The following PLEC variants were observed in gnomAD, a reference collection of about 807,000 sequenced individuals.
PLEC encodes the protein plectin, also known as hemidesmosomal protein 1.
In PLEC, 216 loss-of-function variants were observed where a neutral mutation model predicts 392.8. That is an observed-to-expected ratio of 0.55 (90% CI 0.49 to 0.62). PLEC has a LOEUF of 0.62. Ranked by LOEUF, PLEC falls within the 20% of genes least tolerant of loss-of-function variation. The probability of loss-of-function intolerance (pLI) is 0.00; values close to 1 mark genes in which losing one functional copy is unlikely to be tolerated. For synonymous variants in PLEC, 3,621 were observed against 2,980.6 expected, an observed-to-expected ratio of 1.21 and a Z score of -7.00; for missense variants, 6,863 against 6,563.4, an observed-to-expected ratio of 1.05 and a Z score of -1.58.
At position 143,917,434 on chromosome 8, in the gene PLEC, C is replaced by T; in HGVS notation, c.12387G>A (p.Lys4129=). 6.2e-7 allele frequency: 1 copy of T among 1,613,444 alleles called. No individual in the cohort carries two copies. Among genetic ancestry groups the T allele is most frequent in the Non-Finnish European group, 8.5e-7 (1 of 1,180,034 alleles). Residue 4129 remains lysine (K), a synonymous_variant, in exon 32 of 32, where the codon AAG becomes AAA. Transcript: ENST00000345136. ...LPLKEKKRER[K]TSSKSSVRKR... ...TGCGCACGGAGGACTTGGAGGACGT[C>T]TTCCGCTCCCGCTTCTTCTCCTTCA...
chr8:143,943,897 C>T, upstream of PLEC: 1 of 1,610,434 alleles, frequency 6.2e-7, no homozygotes, highest in South Asian at 1.1e-5. Flanking sequence ...CCATAGCCGC[C>T]ACGCGGAGCC....
At chr8:143,928,077 G>C in intron 25 of PLEC, 85 bp from the exon 26 acceptor site, 1 of 1,490,612 alleles carries the variant, frequency 6.7e-7, no homozygotes, top group Non-Finnish European at 8.9e-7. Context: ...AGCGACCCAG[G>C]GTGCTGCCTG....
chr8:143,922,348 C>A lies in PLEC; in HGVS notation c.7473G>T (p.Leu2491=). The A allele has an allele frequency of 1.2e-6, 2 of 1,605,208 alleles. No homozygotes were observed. The highest frequency in any genetic ancestry group is 1.7e-6 in the Non-Finnish European group (2 of 1,179,978). Reference sequence around the variant, plus strand: ...CCTTTTCAGAGAGGAAGCTTTGCTGCAGGGCCTGCGTCTCCTGCAGCAGCT... The same window carrying A: ...CCTTTTCAGAGAGGAAGCTTTGCTGAAGGGCCTGCGTCTCCTGCAGCAGCT... ...QEQLLQETQA[L]QQSFLSEKDS... The change falls in exon 32 of 32, where the codon CTG becomes CTT. Residue 2491 remains leucine (L), a synonymous_variant. Coordinates refer to ENST00000345136, the MANE Select transcript of PLEC (RefSeq NM_201384.3).
chr8:143,958,141 C>T (rs944905282), upstream of PLEC, among the ~76,000 whole-genome samples: 2 of 145,984 alleles, frequency 1.4e-5, no homozygotes, highest in African/African-American at 2.7e-5. This position sits in a 1 kb window ranked among gnomAD's most constrained non-coding sequence, Gnocchi z 4.9. Context: ...AACAACAGCC[C>T]GGCCTCTGCG....
chr8:143,924,933 T>C lies in PLEC; in HGVS notation c.4996A>G (p.Lys1666Glu), dbSNP rs782200875. The part of the protein sequence containing the change: ...SLAQAEAEKQ[K>E]EEAEREARRR... ...CGCGCCTCGCGCTCCGCCTCCTCCT[T>C]CTGCTTCTCAGCCTCGGCCTGCGCC... is the stretch of plus-strand genomic sequence containing the variant. The change falls in exon 31 of 32, where the codon AAG becomes GAG. Residue 1666 changes from lysine (K) to glutamate (E), a missense_variant. By Grantham distance (56) the Lys-to-Glu change is moderately conservative (BLOSUM62 1). Coordinates refer to ENST00000345136, the MANE Select transcript of PLEC (RefSeq NM_201384.3). 34 of 1,584,010 alleles carry C rather than the reference T, an allele frequency of 2.1e-5. No individual in the cohort carries two copies. Among genetic ancestry groups the C allele is most frequent in the East Asian group, 4.5e-5 (2 of 43,968 alleles).
Position 143,917,041 on chromosome 8 carries a change from G to C in PLEC, c.12780C>G (p.Pro4260=). The part of the protein sequence containing the change: ...VGSSSSYPIS[P]AVSRTQLASW... Reference sequence around the variant, plus strand: ...AGGCCAGCTGGGTCCTGGAGACGGCGGGGCTGATGGGGTAGGAGGAGGAGG... The same window carrying C: ...AGGCCAGCTGGGTCCTGGAGACGGCCGGGCTGATGGGGTAGGAGGAGGAGG... The change falls in exon 32 of 32, where the codon CCC becomes CCG. Residue 4260 remains proline (P), a synonymous_variant. Coordinates refer to ENST00000345136, the MANE Select transcript of PLEC (RefSeq NM_201384.3). The C allele has an allele frequency of 6.2e-7, 1 of 1,610,310 alleles. No individual in the cohort carries two copies. Among genetic ancestry groups the C allele is most frequent in the South Asian group, 1.1e-5 (1 of 91,056 alleles).
In PLEC at chr8:143,919,135, C is replaced by T. The variant is rs1554677236; in HGVS notation, c.10686G>A (p.Glu3562=). The change falls in exon 32 of 32, where the codon GAG becomes GAA. Residue 3562 remains glutamate (E), a synonymous_variant. Coordinates refer to ENST00000345136, the MANE Select transcript of PLEC (RefSeq NM_201384.3). ...GTGTCTCTTCAAATGCCCTTCTTGT[C>T]TCCTCCTCAGTGTACACCTGCGTGG... ...VETTQVYTEE[E]TRRAFEETQI... 1 of 1,613,314 alleles carries T rather than the reference C, an allele frequency of 6.2e-7. No individual in the cohort carries two copies. The highest frequency in any genetic ancestry group is 2.2e-5 in the East Asian group (1 of 44,866).
chr8:143,969,816 G>A lies in PLEC; in HGVS notation c.70+3587C>T, dbSNP rs1554743605. ...GTGGGGCTTAGGGGTGCTGTGAGGT[G>A]GTCCTGGAGAGGGCAGCAGGGGTGA... On this transcript the variant is annotated intron_variant, in intron 1 of 31. Coordinates refer to the PLEC transcript ENST00000356346. The surrounding 1 kb of genome is among the most constrained non-coding windows in gnomAD (Gnocchi z 5.1). 6.6e-6 allele frequency among the ~76,000 whole-genome samples: 1 copy of A among 151,988 alleles called. No homozygotes were observed. Among genetic ancestry groups the A allele is most frequent in the African/African-American group, 2.4e-5 (1 of 41,374 alleles).
rs1011183363 is a variant in PLEC at position 143,939,292 on chromosome 8, C to T, written c.112+58G>A. ...GGCTTTCCTGCCACAGGAAGTGGGC[C>T]TTCCTCCCGCAGGGGCCCGCCCTGC... On this transcript the variant is annotated intron_variant, in intron 1 of 31. Coordinates refer to ENST00000345136, the MANE Select transcript of PLEC (RefSeq NM_201384.3). The T allele has an allele frequency of 7.0e-6, 11 of 1,568,998 alleles. No individual in the cohort carries two copies. In the African/African-American group the frequency reaches 8.1e-5, roughly 12 times the overall value.
rs782658293 is a variant in PLEC at position 143,932,946 on chromosome 8, C to T, written c.1584G>A (p.Leu528=). ...EDSTLRYLQD[L]LAWVEENQHR... Reference sequence around the variant, plus strand: ...GCTGGTTCTCCTCCACCCAGGCCAGCAGGTCCTGCAGGTAGCGCAGAGTGG... The same window carrying T: ...GCTGGTTCTCCTCCACCCAGGCCAGTAGGTCCTGCAGGTAGCGCAGAGTGG... The change falls in exon 14 of 32, where the codon CTG becomes CTA. Residue 528 remains leucine, a synonymous_variant. Coordinates refer to ENST00000345136, the MANE Select transcript of PLEC (RefSeq NM_201384.3). 1.2e-6 allele frequency: 2 copies of T among 1,612,664 alleles called. No homozygotes were observed. Among genetic ancestry groups the T allele is most frequent in the Non-Finnish European group, 8.5e-7 (1 of 1,179,918 alleles).
upstream of PLEC, among the ~76,000 whole-genome samples, chr8:143,973,778 C>T (rs2132995230): frequency 6.6e-6 from 1 of 151,860 alleles, no homozygotes; most frequent in Non-Finnish European, 1.5e-5. This position sits in a 1 kb window ranked among gnomAD's most constrained non-coding sequence, Gnocchi z 5.6. Context: ...CGGGTGGCCC[C>T]CGCCCAGGGG....
At position 143,920,099 on chromosome 8, in the gene PLEC, A is replaced by G; in HGVS notation, c.9722T>C (p.Val3241Ala). The change falls in exon 32 of 32, where the codon GTC (valine) becomes GCC (alanine). Residue 3241 changes from valine (V) to alanine (A), a missense_variant. Transcript: ENST00000345136. ...CCTGCCCTTGAAGCCACCCACGGGGACCTCAACCGGGGTCTTTTCAAAGGT... is the reference window on the plus strand; with the variant it reads ...CCTGCCCTTGAAGCCACCCACGGGGGCCTCAACCGGGGTCTTTTCAAAGGT... ...RETFEKTPVE[V>A]PVGGFKGRTV... The G allele has an allele frequency of 1.2e-6, 2 of 1,613,004 alleles. No homozygotes were observed. The highest frequency in any genetic ancestry group is 1.7e-6 in the Non-Finnish European group (2 of 1,179,998).
At position 143,925,648 on chromosome 8, in the gene PLEC, C is replaced by T; in HGVS notation, c.4281G>A (p.Gln1427=). ...SIQEELQQLR[Q]SSEAEIQAKA... ...TGGCCTGGATCTCCGCCTCCGAGCT[C>T]TGCCGCAGCTGCTGCAGCTCCTCCT... The change falls in exon 31 of 32, where the codon CAG becomes CAA. Residue 1427 remains glutamine, a synonymous_variant. Transcript: ENST00000345136. 5 of 1,585,292 alleles carry T rather than the reference C, an allele frequency of 3.2e-6. No homozygotes were observed. Among genetic ancestry groups the T allele is most frequent in the Non-Finnish European group, 4.3e-6 (5 of 1,173,142 alleles).
Position 143,933,207 on chromosome 8 carries a change from T to A in PLEC, c.1408A>T (p.Met470Leu). Residue 470 changes from methionine (M) to leucine (L), a missense_variant, in exon 13 of 32, where the codon ATG (methionine) becomes TTG (leucine). Transcript: ENST00000345136. Reference sequence around the variant, plus strand: ...CAGGGCGGGGCCCACCTGCGGTACATCTGCTCGCCCTGCGGGTGCCGTCCA... The same window carrying A: ...CAGGGCGGGGCCCACCTGCGGTACAACTGCTCGCCCTGCGGGTGCCGTCCA... The part of the protein sequence containing the change: ...KDGRHPQGEQ[M>L]YRRVYRLHER... 1.1e-5 allele frequency: 17 copies of A among 1,612,704 alleles called. No homozygotes were observed. The highest frequency in any genetic ancestry group is 1.4e-5 in the Non-Finnish European group (17 of 1,179,920).
At chr8:143,962,841 G>C (rs1296654989) in intron 1 of PLEC, among the ~76,000 whole-genome samples, 9 of 152,216 alleles carry the variant, frequency 5.9e-5, no homozygotes, top group Admixed American at 4.6e-4. Context: ...TAAAGTACAG[G>C]AAGAAAGAGA....
chr8:143,973,898 A>G (rs1833564744), upstream of PLEC, among the ~76,000 whole-genome samples: 1 of 152,128 alleles, frequency 6.6e-6, no homozygotes, highest in Non-Finnish European at 1.5e-5. The surrounding 1 kb of genome is among the most constrained non-coding windows in gnomAD (Gnocchi z 5.6). Context: ...TCCCATTGCA[A>G]CATTGGAGAC....
intron 30 of PLEC, 150 bp from the exon 31 acceptor site, chr8:143,926,034 G>T: frequency 1.1e-6 from 1 of 924,032 alleles, no homozygotes; most frequent in Non-Finnish European, 1.7e-6. Context: ...GAGACAGCGT[G>T]CACCCGCCCA....
upstream of PLEC, chr8:143,943,789 C>A (rs782791361): frequency 3.1e-6 from 5 of 1,611,660 alleles, no homozygotes; most frequent in African/African-American, 1.3e-5. Flanking sequence ...CTTGCTCGTC[C>A]TGCGCCCACC....
chr8:143,939,743 G>C (rs1422066014), upstream of PLEC: 5 of 701,382 alleles, frequency 7.1e-6, no homozygotes, highest in African/African-American at 7.7e-5. Flanking sequence ...ACACGCCCTC[G>C]GCCCGCCAGA....
Sources: gnomAD v4.1 joint callset for allele counts (sites outside exome capture counted in the v4.1 genomes callset) on GRCh38, gnomAD v4.1.1 for gene constraint, Gnocchi (gnomAD v3.1) non-coding constraint, MANE v1.5 for transcripts, NCBI Gene and HGNC (gene_info 2026-07-23, HGNC 2026-07-21) for gene names.